PTK7: variants seen among roughly 807,000 people sequenced by gnomAD.
PTK7 encodes protein tyrosine kinase 7 (inactive).
PTK7 carries 39 observed loss-of-function variants against 116.6 expected under a neutral mutation model. That is an observed-to-expected ratio of 0.33 (90% CI 0.26 to 0.44). The LOEUF is 0.44. Ranked by LOEUF, PTK7 falls within the 20% of genes least tolerant of loss-of-function variation. The pLI is 1.00. For missense variants in PTK7, 1,169 were observed against 1,425.6 expected (o/e 0.82, Z 2.90); for synonymous variants, 546 against 563.6 (o/e 0.97, Z 0.44).
intron 1 of PTK7, among the ~76,000 whole-genome samples, chr6:43,108,973 A>C (rs1455729396): frequency 2.0e-5 from 3 of 152,202 alleles, no homozygotes; most frequent in Non-Finnish European, 4.4e-5. Context: ...GAAAGGGAAA[A>C]ATAAATGCTT....
At chr6:43,138,639 G>GTGAC (rs1303945186) in intron 7 of PTK7, 1 of 525,328 alleles carries the variant, frequency 1.9e-6, no homozygotes, top group Non-Finnish European at 3.2e-6. Context: ...TCCAGCCTGG[G>GTGAC]TGACAGAGTG....
chr6:43,083,748 T>C (rs1191112032), intron 1 of PTK7, among the ~76,000 whole-genome samples: 1 of 152,194 alleles, frequency 6.6e-6, no homozygotes, highest in Non-Finnish European at 1.5e-5. Context: ...CTCAGGTGAC[T>C]AGAACGTCAT....
At chr6:43,150,787 C>CTTTTTTTTTTTTTTTTTTTTTTT (rs1176963526) in intron 17 of PTK7, among the ~76,000 whole-genome samples, 1 of 60,746 alleles carries the variant, frequency 1.6e-5, no homozygotes, top group African/African-American at 6.9e-5. Context: ...GTAGACTCAG[C>CTTTTTTTTTTTTTTTTTTTTTTT]TTTTTTTTTT....
Position 43,137,056 on chromosome 6 carries a change from A to G in PTK7, c.1229-1793A>G, listed in dbSNP as rs1030005719. 2.0e-5 allele frequency among the ~76,000 whole-genome samples: 3 copies of G among 152,198 alleles called. No homozygotes were observed. In the East Asian group the frequency reaches 5.8e-4, roughly 29 times the overall value. ...CTCTTGATGGGAAAGTGTCAACATCACATTGAAAAGAGTTGAAAGGGATGG... is the reference window on the plus strand; with the variant it reads ...CTCTTGATGGGAAAGTGTCAACATCGCATTGAAAAGAGTTGAAAGGGATGG... On this transcript the variant is annotated intron_variant, in intron 7 of 19. Coordinates refer to ENST00000230419, the MANE Select transcript of PTK7 (RefSeq NM_002821.5).
intron 14 of PTK7, 158 bp from the exon 15 acceptor site, chr6:43,144,293 A>C: frequency 3.9e-6 from 3 of 769,960 alleles, no homozygotes; most frequent in Non-Finnish European, 4.2e-6. Flanking sequence ...ACCCAGCCCC[A>C]GCCCCATTAT....
rs369216846 is a variant in PTK7 at position 43,131,974 on chromosome 6, C to A, written c.813-42C>A. 3.7e-6 allele frequency: 6 copies of A among 1,612,180 alleles called. No homozygotes were observed. In the African/African-American group the frequency reaches 8.0e-5, roughly 22 times the overall value. ...CCTTGCATTCCTTTCCAGAACTAGG[C>A]CTATTGGCCACTTTCTCCAAATTGC... On this transcript the variant is annotated intron_variant, in intron 5 of 19. Transcript: ENST00000230419.
chr6:43,131,006 C>T (rs1259440986), intron 5 of PTK7, among the ~76,000 whole-genome samples: 1 of 140,996 alleles, frequency 7.1e-6, no homozygotes, highest in African/African-American at 2.6e-5. Context: ...GTCTAGATAG[C>T]GTGATCCAGT....
chr6:43,146,767 A>G (rs1770754324), intron 17 of PTK7, 69 bp downstream of exon 17: 1 of 1,379,948 alleles, frequency 7.2e-7, no homozygotes, highest in Non-Finnish European at 1.0e-6. Context: ...CAGAGGCACC[A>G]TTTATTGAGG....
At chr6:43,160,154 C>T (rs1345984850) in intron 19 of PTK7, among the ~76,000 whole-genome samples, 188 bp downstream of exon 19, 5 of 152,206 alleles carry the variant, frequency 3.3e-5, no homozygotes, top group African/African-American at 9.6e-5. Context: ...GTCGCCCTGT[C>T]GCCCAGACTG....
chr6:43,152,143 C>T (rs1644628751), intron 17 of PTK7, among the ~76,000 whole-genome samples: 1 of 133,476 alleles, frequency 7.5e-6, no homozygotes, highest in East Asian at 2.6e-4. Flanking sequence ...AGCCACTGCG[C>T]CCAGCCCACC....
rs777250180 is a variant in PTK7 at position 43,130,377 on chromosome 6, T to C, written c.618T>C (p.Phe206=). The C allele has an allele frequency of 1.9e-6, 3 of 1,610,296 alleles. No individual in the cohort carries two copies. Among genetic ancestry groups the C allele is most frequent in the East Asian group, 2.2e-5 (1 of 44,800 alleles). ...GLYSCCAHSA[F]GQACSSQNFT... Reference sequence around the variant, plus strand: ...ATTCCTGCTGCGCCCACAGTGCTTTTGGCCAGGCTTGCAGCAGCCAGAACT... The same window carrying C: ...ATTCCTGCTGCGCCCACAGTGCTTTCGGCCAGGCTTGCAGCAGCCAGAACT... The change falls in exon 4 of 20, where the codon TTT becomes TTC. Residue 206 remains phenylalanine (F), a synonymous_variant. Transcript: ENST00000230419.
chr6:43,161,006 G>C lies in PTK7; in HGVS notation c.*125G>C. The C allele has an allele frequency of 2.3e-6, 3 of 1,324,618 alleles. No homozygotes were observed. In the South Asian group the frequency reaches 4.4e-5, roughly 19 times the overall value. 82.1% of individuals were successfully genotyped at this position (1,324,618 alleles called of 1,614,324 possible). ...CCCCTGCCCTAGTGCAACAGGCATT[G>C]CTGAGGTCTGAGCAGGGCCTGGCCT... On this transcript the variant is annotated 3_prime_UTR_variant, in exon 20 of 20. Transcript: ENST00000230419.
At position 43,132,184 on chromosome 6, in the gene PTK7, G is replaced by T. The variant is rs201871298; in HGVS notation, c.961+20G>T. 1.9e-6 allele frequency: 3 copies of T among 1,588,038 alleles called. No homozygotes were observed. The highest frequency in any genetic ancestry group is 2.3e-5 in the East Asian group (1 of 44,418). Reference sequence around the variant, plus strand: ...TAGCAGGTGAGTCTCTGGGTCTGGGGTGCTGATGTGGGAGGCTGCCTTTAA... The same window carrying T: ...TAGCAGGTGAGTCTCTGGGTCTGGGTTGCTGATGTGGGAGGCTGCCTTTAA... On this transcript the variant is annotated intron_variant, in intron 6 of 19. Transcript: ENST00000230419.
Position 43,116,604 on chromosome 6 carries a change from TTGTGTGTGTGTGTGTG to T in PTK7, c.80-12340_80-12325del, listed in dbSNP as rs751605217. 8.4e-3 allele frequency among the ~76,000 whole-genome samples: 999 copies of T among 119,158 alleles called. 4 individuals carry two copies. The highest frequency in any genetic ancestry group is 0.021 in the South Asian group (72 of 3,490). The allele number at this position is 119,158 out of a possible 152,430, so 78.2% of individuals were successfully genotyped here. A position where few individuals can be genotyped will look rare whatever the true frequency, so the allele number is the denominator to read the frequency against. Reference sequence around the variant, plus strand: ...AGGAAGAAGGCCAGGAAAAGCTGGTTTGTGTGTGTGTGTGTGTGTGTGTGTGTGTGTGTGTGTGTGT... The same window carrying T: ...AGGAAGAAGGCCAGGAAAAGCTGGTTTGTGTGTGTGTGTGTGTGTGTGTGT... On this transcript the variant is annotated intron_variant, in intron 1 of 19. Coordinates refer to ENST00000230419, the MANE Select transcript of PTK7 (RefSeq NM_002821.5).
At chr6:43,136,289 C>T (rs1264584052) in intron 7 of PTK7, among the ~76,000 whole-genome samples, 8 of 148,160 alleles carry the variant, frequency 5.4e-5, no homozygotes, top group African/African-American at 1.5e-4. Flanking sequence ...GAACAGAGAT[C>T]GCGCCACTGC....
rs939262551 is a variant in PTK7 at position 43,141,923 on chromosome 6, T to C, written c.1769-8T>C. ...CTCCCTGCGCCTCGCTGGTCTCTTTTCTTCCAGTTTTTATCACCTTCAAAG... is the reference window on the plus strand; with the variant it reads ...CTCCCTGCGCCTCGCTGGTCTCTTTCCTTCCAGTTTTTATCACCTTCAAAG... On this transcript the variant is annotated splice_polypyrimidine_tract_variant and splice_region_variant and intron_variant, in intron 11 of 19. Coordinates refer to ENST00000230419, the MANE Select transcript of PTK7 (RefSeq NM_002821.5). The surrounding 1 kb of genome is among the most constrained non-coding windows in gnomAD (Gnocchi z 4.9). The C allele has an allele frequency of 6.2e-7, 1 of 1,600,762 alleles. No homozygotes were observed. Among genetic ancestry groups the C allele is most frequent in the Non-Finnish European group, 8.5e-7 (1 of 1,171,490 alleles).
At chr6:43,109,933 C>T (rs943147916) in intron 1 of PTK7, among the ~76,000 whole-genome samples, 5 of 150,772 alleles carry the variant, frequency 3.3e-5, no homozygotes, top group East Asian at 2.0e-4. Flanking sequence ...TTCCTGACCT[C>T]GTGATCCACC....
intron 17 of PTK7, among the ~76,000 whole-genome samples, chr6:43,148,130 G>A (rs968316798): frequency 6.6e-6 from 1 of 152,150 alleles, no homozygotes; most frequent in African/African-American, 2.4e-5. Flanking sequence ...GGGCATGCCT[G>A]TAGTCCCAGC....
chr6:43,127,366 C>G (rs949065125), intron 1 of PTK7, among the ~76,000 whole-genome samples: 1 of 152,238 alleles, frequency 6.6e-6, no homozygotes, highest in Non-Finnish European at 1.5e-5. Flanking sequence ...CAGTGTGTTG[C>G]TCCTGCCGCC....
Sources: gnomAD v4.1 joint callset for allele counts (sites outside exome capture counted in the v4.1 genomes callset) on GRCh38, gnomAD v4.1.1 for gene constraint, Gnocchi (gnomAD v3.1) non-coding constraint, MANE v1.5 for transcripts, NCBI Gene and HGNC (gene_info 2026-07-23, HGNC 2026-07-21) for gene names.